LDLRAD4: variants seen among roughly 807,000 people sequenced by gnomAD.
The protein encoded by LDLRAD4 is low-density lipoprotein receptor class A domain-containing protein 4.
In LDLRAD4, 5 loss-of-function variants were observed where a neutral mutation model predicts 17.0. That is an observed-to-expected ratio of 0.29 (90% CI 0.15 to 0.62). The LOEUF (loss-of-function observed/expected upper bound fraction) is 0.62, where lower values mean the gene tolerates loss of function less well. LDLRAD4 is among the 20% of genes least tolerant of loss of function. The pLI is 0.84. For synonymous variants in LDLRAD4, 168 were observed against 171.8 expected, an observed-to-expected ratio of 0.98 and a Z score of 0.17; for missense variants, 340 against 424.7, an observed-to-expected ratio of 0.80 and a Z score of 1.75.
intron 3 of LDLRAD4, among the ~76,000 whole-genome samples, chr18:13,477,952 C>A (rs998400946): frequency 4.6e-5 from 7 of 152,214 alleles, no homozygotes; most frequent in African/African-American, 1.7e-4. Context: ...CTCAGATCAA[C>A]GAAGGATACC....
intron 1 of LDLRAD4, chr18:13,279,835 A>G (rs1039263816): frequency 6.6e-6 from 1 of 152,268 alleles, no homozygotes; most frequent in African/African-American, 2.4e-5. Context: ...GCACAGACTT[A>G]GATTGCGAGG....
chr18:13,379,501 G>A (rs1028523969), intron 1 of LDLRAD4, among the ~76,000 whole-genome samples: 2 of 152,220 alleles, frequency 1.3e-5, no homozygotes, highest in Non-Finnish European at 2.9e-5. Flanking sequence ...ACCTGCAGAG[G>A]CAGACGAGAC....
chr18:13,492,356 G>C (rs1310738124), intron 3 of LDLRAD4, among the ~76,000 whole-genome samples: 1 of 152,244 alleles, frequency 6.6e-6, no homozygotes, highest in Admixed American at 6.5e-5. Context: ...GCCTCTGCCG[G>C]AAGGGACGTC....
chr18:13,413,066 A>G (rs2088530356), intron 2 of LDLRAD4, among the ~76,000 whole-genome samples: 1 of 152,198 alleles, frequency 6.6e-6, no homozygotes, highest in Non-Finnish European at 1.5e-5. Context: ...ACCAGCAGGA[A>G]GGGCTCCTCT....
At chr18:13,482,213 G>A (rs958913181) in intron 3 of LDLRAD4, among the ~76,000 whole-genome samples, 1 of 152,192 alleles carries the variant, frequency 6.6e-6, no homozygotes, top group Non-Finnish European at 1.5e-5. Flanking sequence ...GAGAACCAGT[G>A]CCAAACTCAC....
intron 2 of LDLRAD4, among the ~76,000 whole-genome samples, chr18:13,407,273 A>G (rs117037176): frequency 1.3e-5 from 2 of 152,256 alleles, no homozygotes; most frequent in Non-Finnish European, 2.9e-5. Context: ...CATCTCATTT[A>G]TTATTAGAGA....
At chr18:13,275,912 AG>A (rs2044836707), upstream of LDLRAD4, among the ~76,000 whole-genome samples, 1 of 152,254 alleles carries the variant, frequency 6.6e-6, no homozygotes, top group Admixed American at 6.5e-5. Flanking sequence ...TAGATGAGGC[AG>A]GGCAGAGGCC....
intron 1 of LDLRAD4, among the ~76,000 whole-genome samples, chr18:13,326,453 T>A (rs910856974): frequency 2.6e-5 from 4 of 152,218 alleles, no homozygotes; most frequent in Non-Finnish European, 5.9e-5. Context: ...GATCTCATCT[T>A]GTCTTTTTTC....
intron 3 of LDLRAD4, among the ~76,000 whole-genome samples, chr18:13,590,017 G>C (rs2094991369): frequency 6.9e-6 from 1 of 145,082 alleles, no homozygotes; most frequent in South Asian, 2.1e-4. Context: ...GTGTGGCTGT[G>C]CATGTGTATG....
At chr18:13,336,770 T>G (rs964404654) in intron 1 of LDLRAD4, among the ~76,000 whole-genome samples, 3 of 152,096 alleles carry the variant, frequency 2.0e-5, no homozygotes, top group Admixed American at 6.6e-5. Context: ...TGCTCTGTGG[T>G]GCATCCCTCC....
In LDLRAD4 at chr18:13,440,380, T is replaced by C. The variant is rs1191428404; in HGVS notation, c.181+1996T>C. ...AAAATGCGAGCACTTTAATTCTGCC[T>C]AGAAGCCGAGGGAGCAGTTACATCC... On this transcript the variant is annotated intron_variant, in intron 3 of 5. Coordinates refer to ENST00000359446, the Ensembl canonical transcript of LDLRAD4. The surrounding 1 kb of genome is among the most constrained non-coding windows in gnomAD (Gnocchi z 4.4). Among the ~76,000 whole-genome samples, 1 of 152,192 alleles carries C rather than the reference T, an allele frequency of 6.6e-6. No homozygotes were observed. Among genetic ancestry groups the C allele is most frequent in the Non-Finnish European group, 1.5e-5 (1 of 68,034 alleles).
chr18:13,354,751 CA>C (rs1307422090), intron 1 of LDLRAD4, among the ~76,000 whole-genome samples: 1 of 152,186 alleles, frequency 6.6e-6, no homozygotes, highest in African/African-American at 2.4e-5. Flanking sequence ...AATCATTTTA[CA>C]GAGATTTATT....
At chr18:13,248,911 A>G (rs377347577) in intron 1 of LDLRAD4, among the ~76,000 whole-genome samples, 7 of 151,928 alleles carry the variant, frequency 4.6e-5, no homozygotes, top group Admixed American at 4.6e-4. Flanking sequence ...TTTCCCTACA[A>G]CCCTTCCCAA....
chr18:13,444,946 G>A (rs1197668777), intron 3 of LDLRAD4, among the ~76,000 whole-genome samples: 1 of 152,196 alleles, frequency 6.6e-6, no homozygotes, highest in African/African-American at 2.4e-5. Context: ...GACTACATAA[G>A]GCTGGTGCCC....
chr18:13,312,135 A>G (rs12959004), intron 1 of LDLRAD4, among the ~76,000 whole-genome samples: 81,080 of 152,062 alleles, frequency 0.53, 23,963 homozygotes, highest in Non-Finnish European at 0.67. Flanking sequence ...GTGCCCGGCC[A>G]AATCTGAAAC....
intron 3 of LDLRAD4, chr18:13,612,175 A>G (rs952867156): frequency 1.5e-5 from 15 of 986,998 alleles, no homozygotes; most frequent in Non-Finnish European, 1.7e-5. Flanking sequence ...CTGGTTTGAT[A>G]TTTGCCTGTT....
chr18:13,238,671 C>T (rs1258046185), intron 1 of LDLRAD4, among the ~76,000 whole-genome samples: 2 of 152,070 alleles, frequency 1.3e-5, no homozygotes, highest in Admixed American at 1.3e-4. Flanking sequence ...AGGTTTGCAC[C>T]AAATCTGGGT....
rs2090209070 is a variant in LDLRAD4 at position 13,429,874 on chromosome 18, A to G, written c.41-8370A>G. On this transcript the variant is annotated intron_variant, in intron 2 of 5. Coordinates refer to ENST00000359446, the Ensembl canonical transcript of LDLRAD4. ...GAAAAGCTGCTGGTGTAGTCCAGGC[A>G]CCTCACTTTATCATAGGAATCTAGA... 2.0e-5 allele frequency among the ~76,000 whole-genome samples: 3 copies of G among 152,346 alleles called. 1 individual carries two copies. In the Middle Eastern group the frequency reaches 0.01, roughly 518 times the overall value.
intron 1 of LDLRAD4, among the ~76,000 whole-genome samples, chr18:13,283,913 G>A (rs888981753): frequency 2.6e-5 from 4 of 152,138 alleles, no homozygotes; most frequent in South Asian, 2.1e-4. Context: ...CTTACAGGGC[G>A]GCAGCAAGGG....
Sources: allele counts gnomAD v4.1 joint callset (sites outside exome capture counted in the v4.1 genomes callset), GRCh38; gene constraint gnomAD v4.1.1; non-coding constraint Gnocchi (gnomAD v3.1); transcripts MANE v1.5; gene names NCBI Gene and HGNC (gene_info 2026-07-23, HGNC 2026-07-21).